AMPD3: variants seen among roughly 807,000 people sequenced by gnomAD.
The protein encoded by AMPD3 is adenosine monophosphate deaminase 3.
A neutral mutation model predicts 82.3 loss-of-function variants in AMPD3; 57 were observed. That is an observed-to-expected ratio of 0.69 (90% CI 0.56 to 0.86). The LOEUF is 0.86. AMPD3 is among the 40% of genes least tolerant of loss of function. The pLI, the probability that AMPD3 is intolerant of heterozygous loss-of-function variation, is 0.00. For synonymous variants in AMPD3, 381 were observed against 394.7 expected (o/e 0.97, Z 0.41); for missense variants, 870 against 1,003.8 (o/e 0.87, Z 1.80).
chr11:10,500,214 G>A lies in AMPD3; in HGVS notation c.1686G>A (p.Met562Ile), dbSNP rs372507080. ...NPPYSYYLYY[M>I]YANIMVLNNL... ...CCTACAGCTACTACCTGTACTACATGTATGCCAACATCATGGTGCTCAACA... is the reference window on the plus strand; with the variant it reads ...CCTACAGCTACTACCTGTACTACATATATGCCAACATCATGGTGCTCAACA... Residue 562 changes from methionine to isoleucine, a missense_variant, in exon 11 of 15, where the codon ATG becomes ATA. Met to Ile is a conservative substitution (Grantham distance 10). Transcript: ENST00000396553. 100 of 1,614,228 alleles carry A rather than the reference G, an allele frequency of 6.2e-5. No individual in the cohort carries two copies. The highest frequency in any genetic ancestry group is 8.1e-5 in the Non-Finnish European group (95 of 1,180,036).
In AMPD3 at chr11:10,487,183, T is replaced by A. The variant is rs1591470401; in HGVS notation, c.810-52T>A. The A allele has an allele frequency of 4.3e-6, 7 of 1,611,962 alleles. No homozygotes were observed. In the East Asian group the frequency reaches 1.6e-4, roughly 36 times the overall value. ...CTGCAGATGCTGGAGGCCTCCAAAC[T>A]GGAGAGCTCGATGCGACTCAACTAT... On this transcript the variant is annotated intron_variant, in intron 5 of 14. Transcript: ENST00000396553.
At chr11:10,467,243 C>G (rs372241299) in intron 2 of AMPD3, among the ~76,000 whole-genome samples, 7 of 152,098 alleles carry the variant, frequency 4.6e-5, no homozygotes, top group African/African-American at 1.7e-4. Context: ...ATGTTCTAAC[C>G]CAATGCAAGG....
At chr11:10,485,740 G>A (rs1042066989) in intron 5 of AMPD3, among the ~76,000 whole-genome samples, 1 of 140,306 alleles carries the variant, frequency 7.1e-6, no homozygotes, top group South Asian at 2.1e-4. Context: ...TTCTGGAGGG[G>A]AGCATGCAGG....
At position 10,459,471 on chromosome 11, in the gene AMPD3, G is replaced by A. The variant is rs61891372; in HGVS notation, c.-5-2044G>A. On this transcript the variant is annotated intron_variant, in intron 1 of 14. Coordinates refer to ENST00000396553, the MANE Select transcript of AMPD3 (RefSeq NM_001025389.2). ...TCACAGATGAGAACATTGTGAGGCC[G>A]GAGAATGACTGTCCCAAGATGGCCT... is the stretch of plus-strand genomic sequence containing the variant. Among the ~76,000 whole-genome samples, 677 of 152,248 alleles carry A rather than the reference G, an allele frequency of 4.4e-3. 3 individuals carry two copies. Among genetic ancestry groups the A allele is most frequent in the Non-Finnish European group, 7.9e-3 (534 of 68,004 alleles).
chr11:10,503,191 GTTC>G (rs1042875984), intron 13 of AMPD3, among the ~76,000 whole-genome samples: 1 of 152,154 alleles, frequency 6.6e-6, no homozygotes, highest in African/African-American at 2.4e-5. Flanking sequence ...TCTGGATCAA[GTTC>G]TTCTTCATCT....
intron 2 of AMPD3, among the ~76,000 whole-genome samples, chr11:10,465,114 C>T (rs1276651611): frequency 6.6e-6 from 1 of 152,138 alleles, no homozygotes; most frequent in Non-Finnish European, 1.5e-5. Flanking sequence ...AGCGAATACA[C>T]AAAAAATCCT....
chr11:10,485,734 G>C (rs576455022), intron 5 of AMPD3, among the ~76,000 whole-genome samples: 2 of 152,230 alleles, frequency 1.3e-5, no homozygotes, highest in African/African-American at 4.8e-5. Flanking sequence ...CTGGGTTTCT[G>C]GAGGGGAGCA....
At position 10,493,634 on chromosome 11, in the gene AMPD3, G is replaced by A. The variant is rs540048074; in HGVS notation, c.1134+91G>A. On this transcript the variant is annotated intron_variant, in intron 7 of 14. Coordinates refer to ENST00000396553, the MANE Select transcript of AMPD3 (RefSeq NM_001025389.2). ...GAAAGCCACCATGATTGTGCTTGCC[G>A]GGAGGTGCTACGGAAGCAGCTTTCT... The A allele has an allele frequency of 7.3e-5, 105 of 1,434,430 alleles. 2 individuals carry two copies. Among genetic ancestry groups the A allele is most frequent in the South Asian group, 6.3e-4 (53 of 83,902 alleles). The allele number at this position is 1,434,430 out of a possible 1,614,324, so 88.9% of individuals were successfully genotyped here.
intron 12 of AMPD3, 45 bp from the exon 13 acceptor site, chr11:10,502,676 C>A: frequency 1.9e-6 from 3 of 1,609,246 alleles, no homozygotes; most frequent in South Asian, 1.1e-5. Context: ...TTTCCCTTCT[C>A]CCCTCTCTGG....
chr11:10,461,181 C>T, intron 1 of AMPD3: 1 of 1,225,872 alleles, frequency 8.2e-7, no homozygotes, highest in Non-Finnish European at 1.0e-6. Context: ...CTTGTCCCTT[C>T]TCAAACATGG....
intron 12 of AMPD3, chr11:10,502,187 C>T (rs879619805): frequency 1.4e-4 from 138 of 985,318 alleles, no homozygotes; most frequent in Non-Finnish European, 1.6e-4. Flanking sequence ...TCCCTGATCC[C>T]GGTGAGGTGT....
rs573031802 is a variant in AMPD3, at chr11:10,498,367, T to C, written c.1557+1429T>C. ...GCCAGCAATGGAGGAAGAGCAGGTA[T>C]GGGGAGGAGGAGGAAGAGCAGGAGG... On this transcript the variant is annotated intron_variant, in intron 10 of 14. Coordinates refer to ENST00000396553, the MANE Select transcript of AMPD3 (RefSeq NM_001025389.2). 3 of 153,238 alleles carry C rather than the reference T, an allele frequency of 2.0e-5. No individual in the cohort carries two copies. The Admixed American group carries it at 2.0e-4, about 10-fold the overall frequency. 9.5% of individuals were successfully genotyped at this position (153,238 alleles called of 1,614,324 possible).
intron 2 of AMPD3, among the ~76,000 whole-genome samples, chr11:10,470,734 G>A (rs1172868638): frequency 6.6e-6 from 1 of 152,128 alleles, no homozygotes; most frequent in Non-Finnish European, 1.5e-5. Flanking sequence ...GAATAAAATA[G>A]CTAGGAATCC....
In AMPD3 at chr11:10,456,188, T is replaced by C; in HGVS notation, c.-6+740T>C. ...GAAATTTTCCACTCATATTTCATAT[T>C]CACGAGAGAATTTCCAGCCCAGGCT... On this transcript the variant is annotated intron_variant, in intron 1 of 14. Transcript: ENST00000396553. This position sits in a 1 kb window ranked among gnomAD's most constrained non-coding sequence, Gnocchi z 4.3. The C allele has an allele frequency of 7.1e-7, 1 of 1,416,918 alleles. No homozygotes were observed. Among genetic ancestry groups the C allele is most frequent in the Non-Finnish European group, 9.2e-7 (1 of 1,087,352 alleles). The allele number at this position is 1,416,918 out of a possible 1,614,324, so 87.8% of individuals were successfully genotyped here.
At chr11:10,502,313 A>C (rs752997512) in intron 12 of AMPD3, 108 of 985,276 alleles carry the variant, frequency 1.1e-4, no homozygotes, top group Non-Finnish European at 1.1e-4. Flanking sequence ...TGGAGTGTTT[A>C]TAGTCTCAAC....
intron 4 of AMPD3, among the ~76,000 whole-genome samples, 159 bp downstream of exon 4, chr11:10,482,384 G>T (rs1390406529): frequency 6.6e-6 from 1 of 152,244 alleles, no homozygotes; most frequent in African/African-American, 2.4e-5. Flanking sequence ...TTCCCCCAAG[G>T]ATTGATTCTA....
In AMPD3 at chr11:10,478,600, C is replaced by T. The variant is rs1209441287; in HGVS notation, c.296C>T (p.Pro99Leu). The change falls in exon 3 of 15, where the codon CCC (proline) becomes CTC (leucine). Residue 99 changes from proline (P) to leucine (L), a missense_variant. Physicochemically the swap from Pro to Leu is moderately conservative, Grantham distance 98 (BLOSUM62 -3). Transcript: ENST00000396553. Reference sequence around the variant, plus strand: ...CCGCCACAGCAAGATTGGAAGGGCCCCCCGGCAGCCAGTCCGGCCATGTCT... The same window carrying T: ...CCGCCACAGCAAGATTGGAAGGGCCTCCCGGCAGCCAGTCCGGCCATGTCT... ...QMPPQQDWKG[P>L]PAASPAMSPT... 6.8e-6 allele frequency: 11 copies of T among 1,614,230 alleles called. No homozygotes were observed. The highest frequency in any genetic ancestry group is 9.3e-6 in the Non-Finnish European group (11 of 1,180,044).
intron 6 of AMPD3, 53 bp from the exon 7 acceptor site, chr11:10,493,296 T>C: frequency 6.2e-7 from 1 of 1,605,624 alleles, no homozygotes; most frequent in East Asian, 2.2e-5. Context: ...GTCTTAACTC[T>C]TGTTGCTAGG....
In AMPD3 at chr11:10,504,675, G is replaced by A; in HGVS notation, c.2127+16G>A. The A allele has an allele frequency of 6.2e-7, 1 of 1,609,868 alleles. No individual in the cohort carries two copies. The highest frequency in any genetic ancestry group is 8.5e-7 in the Non-Finnish European group (1 of 1,176,184). ...CTCGCATCAGGTATGGAGTGTGACG[G>A]TGCTGCCTGTGTCCCTCCTGGGAAG... On this transcript the variant is annotated intron_variant, in intron 14 of 14. Coordinates refer to ENST00000396553, the MANE Select transcript of AMPD3 (RefSeq NM_001025389.2).
Sources: allele counts gnomAD v4.1 joint callset (sites outside exome capture counted in the v4.1 genomes callset), GRCh38; gene constraint gnomAD v4.1.1; non-coding constraint Gnocchi (gnomAD v3.1); transcripts MANE v1.5; gene names NCBI Gene and HGNC (gene_info 2026-07-23, HGNC 2026-07-21).